NUCKS1: variants seen among roughly 807,000 people sequenced by gnomAD.
The protein encoded by NUCKS1 is nuclear ubiquitous casein and cyclin-dependent kinase substrate 1.
Under a neutral mutation model 33.0 loss-of-function variants are expected in NUCKS1, and 2 were observed. The ratio of observed to expected loss-of-function variants is 0.06; its 90% CI spans 0.02 to 0.19. The LOEUF (loss-of-function observed/expected upper bound fraction) is 0.19, where lower values mean the gene tolerates loss of function less well. NUCKS1 is among the 10% of genes least tolerant of loss of function. NUCKS1 has a pLI of 1.00. For missense variants in NUCKS1, 201 were observed against 293.6 expected, an observed-to-expected ratio of 0.68 and a Z score of 2.31; for synonymous variants, 106 against 102.8, an observed-to-expected ratio of 1.03 and a Z score of -0.19.
rs985993987 is a variant in NUCKS1, at chr1:205,714,331, T to A, written c.*3949A>T. The A allele has an allele frequency of 6.6e-6, 1 of 152,134 alleles. No homozygotes were observed. The highest frequency in any genetic ancestry group is 2.4e-5 in the African/African-American group (1 of 41,422). The allele number at this position is 152,134 out of a possible 1,614,324, so 9.4% of individuals were successfully genotyped here. A position where few individuals can be genotyped will look rare whatever the true frequency, so the allele number is the denominator to read the frequency against. ...TAGAAAACCCTCCCTTCACCCCTGATGTACAAAGTGTATGCACAACGGTGG... is the reference window on the plus strand; with the variant it reads ...TAGAAAACCCTCCCTTCACCCCTGAAGTACAAAGTGTATGCACAACGGTGG... On this transcript the variant is annotated 3_prime_UTR_variant, in exon 7 of 7. Coordinates refer to ENST00000367142, the MANE Select transcript of NUCKS1 (RefSeq NM_022731.5).
At position 205,718,115 on chromosome 1, in the gene NUCKS1, G is replaced by A. The variant is rs2102428643; in HGVS notation, c.*165C>T. The A allele has an allele frequency of 1.6e-6, 2 of 1,233,194 alleles. No individual in the cohort carries two copies. The highest frequency in any genetic ancestry group is 1.0e-6 in the Non-Finnish European group (1 of 989,498). The allele number at this position is 1,233,194 out of a possible 1,614,324, so 76.4% of individuals were successfully genotyped here. A position where few individuals can be genotyped will look rare whatever the true frequency, so the allele number is the denominator to read the frequency against. ...AAAAAAAAAAAAAAAGAGAGAGAGAGAGAAATGTTACTTTCAACAAATGGA... is the reference window on the plus strand; with the variant it reads ...AAAAAAAAAAAAAAAGAGAGAGAGAAAGAAATGTTACTTTCAACAAATGGA... On this transcript the variant is annotated 3_prime_UTR_variant, in exon 7 of 7. Coordinates refer to ENST00000367142, the MANE Select transcript of NUCKS1 (RefSeq NM_022731.5).
At chr1:205,724,098 C>G (rs566326758) in intron 3 of NUCKS1, 117 bp from the exon 4 acceptor site, 1 of 808,506 alleles carries the variant, frequency 1.2e-6, no homozygotes, top group Admixed American at 1.7e-5. Context: ...TATATAAAAT[C>G]TTCAAACAAA....
intron 1 of NUCKS1, among the ~76,000 whole-genome samples, chr1:205,735,857 G>T (rs1278694996): frequency 6.6e-6 from 1 of 152,128 alleles, no homozygotes; most frequent in Middle Eastern, 3.2e-3. Flanking sequence ...TGAAAAATAT[G>T]TAAGTCTTAA....
At chr1:205,739,625 G>C (rs1459224698) in intron 1 of NUCKS1, among the ~76,000 whole-genome samples, 2 of 151,920 alleles carry the variant, frequency 1.3e-5, no homozygotes, top group African/African-American at 4.8e-5. Flanking sequence ...ACAGGCACTG[G>C]CTAATTTTTT....
rs186378275 is a variant in NUCKS1 at position 205,713,303 on chromosome 1, G to C, written c.*4977C>G. 6.6e-6 allele frequency: 1 copy of C among 151,694 alleles called. No homozygotes were observed. The highest frequency in any genetic ancestry group is 2.4e-5 in the African/African-American group (1 of 41,286). The allele number at this position is 151,694 out of a possible 1,614,324, so 9.4% of individuals were successfully genotyped here. The stretch of plus-strand genomic sequence containing the variant: ...TAACTTGCTTCATATGTCCCAAAAA[G>C]AGAAAAAAATAAAGGGGACAATGCC... On this transcript the variant is annotated 3_prime_UTR_variant, in exon 7 of 7. Coordinates refer to ENST00000367142, the MANE Select transcript of NUCKS1 (RefSeq NM_022731.5).
At chr1:205,731,037 G>A (rs1414066134) in intron 1 of NUCKS1, among the ~76,000 whole-genome samples, 1 of 152,122 alleles carries the variant, frequency 6.6e-6, no homozygotes, top group Non-Finnish European at 1.5e-5. Context: ...ACATTATAAT[G>A]CACAAAAATT....
At chr1:205,738,254 C>T (rs1292575883) in intron 1 of NUCKS1, among the ~76,000 whole-genome samples, 1 of 152,094 alleles carries the variant, frequency 6.6e-6, no homozygotes, top group Non-Finnish European at 1.5e-5. Flanking sequence ...TTTCAAACCG[C>T]TGACCTCAAG....
In NUCKS1 at chr1:205,718,084, TTAAAA is replaced by T; in HGVS notation, c.*191_*195del. ...ACACTTACACATACAATGGTTTGCT[TTAAAA>T]AAAAAAAAAAAAAAAGAGAGAGAGA... On this transcript the variant is annotated 3_prime_UTR_variant, in exon 7 of 7. Transcript: ENST00000367142. 8.1e-7 allele frequency: 1 copy of T among 1,236,412 alleles called. No individual in the cohort carries two copies. 76.6% of individuals were successfully genotyped at this position (1,236,412 alleles called of 1,614,324 possible).
At chr1:205,744,445 CTAAG>C (rs1336724349) in intron 1 of NUCKS1, among the ~76,000 whole-genome samples, 3 of 152,044 alleles carry the variant, frequency 2.0e-5, no homozygotes, top group Admixed American at 1.3e-4. Flanking sequence ...GCTAATTCTA[CTAAG>C]TGAGGAAGTG....
chr1:205,730,639 C>G (rs1175222444), intron 1 of NUCKS1, among the ~76,000 whole-genome samples: 87 of 152,172 alleles, frequency 5.7e-4, no homozygotes, highest in Middle Eastern at 6.8e-3. Flanking sequence ...CAGGCGTGTG[C>G]CACCACGCCT....
At chr1:205,739,548 C>T (rs866250899) in intron 1 of NUCKS1, among the ~76,000 whole-genome samples, 2 of 152,112 alleles carry the variant, frequency 1.3e-5, no homozygotes, top group African/African-American at 4.8e-5. Flanking sequence ...TGACACCTAA[C>T]AGCAATGTGG....
chr1:205,747,972 AAATT>A (rs1224558092), intron 1 of NUCKS1, among the ~76,000 whole-genome samples: 3 of 152,130 alleles, frequency 2.0e-5, no homozygotes, highest in Non-Finnish European at 4.4e-5. Flanking sequence ...ACTTGCTCTG[AAATT>A]AATAATTTGA....
chr1:205,743,001 A>G (rs1654218539), intron 1 of NUCKS1, among the ~76,000 whole-genome samples: 1 of 152,198 alleles, frequency 6.6e-6, no homozygotes, highest in African/African-American at 2.4e-5. Context: ...TTTAAAATGC[A>G]AATTTAACAC....
At position 205,713,440 on chromosome 1, in the gene NUCKS1, C is replaced by G. The variant is rs907808731; in HGVS notation, c.*4840G>C. The G allele has an allele frequency of 6.6e-6, 1 of 151,924 alleles. No homozygotes were observed. Among genetic ancestry groups the G allele is most frequent in the Non-Finnish European group, 1.5e-5 (1 of 67,992 alleles). 9.4% of individuals were successfully genotyped at this position (151,924 alleles called of 1,614,324 possible). On this transcript the variant is annotated 3_prime_UTR_variant, in exon 7 of 7. Transcript: ENST00000367142. ...GGAGCAGACACGCAGTCCTGGAAAC[C>G]CTTCAATAAAAGCAAAGCAGGAGTT...
chr1:205,730,718 C>T (rs1006303396), intron 1 of NUCKS1, among the ~76,000 whole-genome samples: 1 of 151,398 alleles, frequency 6.6e-6, no homozygotes, highest in Non-Finnish European at 1.5e-5. Flanking sequence ...CCCCTGATCT[C>T]GTGATCCGCC....
Position 205,750,087 on chromosome 1 carries a change from A to C in NUCKS1, c.-114T>G. The C allele has an allele frequency of 7.5e-6, 7 of 931,684 alleles. No individual in the cohort carries two copies. Among genetic ancestry groups the C allele is most frequent in the Non-Finnish European group, 9.1e-6 (6 of 658,098 alleles). The allele number at this position is 931,684 out of a possible 1,614,324, so 57.7% of individuals were successfully genotyped here. On this transcript the variant is annotated 5_prime_UTR_variant, in exon 1 of 7. Coordinates refer to ENST00000367142, the MANE Select transcript of NUCKS1 (RefSeq NM_022731.5). ...TCAGCCGATGGGACCGCTGCTGCCG[A>C]ACCCCGAGCTGCTGGCTTCTCAAAC...
At chr1:205,748,627 G>C (rs531895872) in intron 1 of NUCKS1, among the ~76,000 whole-genome samples, 26 of 152,276 alleles carry the variant, frequency 1.7e-4, no homozygotes, top group Admixed American at 1.1e-3. Flanking sequence ...CCCACCCCGT[G>C]TGTAGGAGTA....
rs1671815718 is a variant in NUCKS1, at chr1:205,716,028, T to C, written c.*2252A>G. Reference sequence around the variant, plus strand: ...CTGTCTCACTTGGGGACACAGATCCTTCTGTCCAGTCTATCAGAAATATAG... The same window carrying C: ...CTGTCTCACTTGGGGACACAGATCCCTCTGTCCAGTCTATCAGAAATATAG... On this transcript the variant is annotated 3_prime_UTR_variant, in exon 7 of 7. Coordinates refer to ENST00000367142, the MANE Select transcript of NUCKS1 (RefSeq NM_022731.5). The C allele has an allele frequency of 6.6e-6, 1 of 152,052 alleles. No homozygotes were observed. Among genetic ancestry groups the C allele is most frequent in the Non-Finnish European group, 1.5e-5 (1 of 68,034 alleles). 9.4% of individuals were successfully genotyped at this position (152,052 alleles called of 1,614,324 possible).
At chr1:205,731,019 GT>G (rs1653897861) in intron 1 of NUCKS1, among the ~76,000 whole-genome samples, 1 of 152,100 alleles carries the variant, frequency 6.6e-6, no homozygotes, top group South Asian at 2.1e-4. Flanking sequence ...TTTAGGTATA[GT>G]ACAGTTACAT....
Sources: gnomAD v4.1 joint callset for allele counts (sites outside exome capture counted in the v4.1 genomes callset) on GRCh38, gnomAD v4.1.1 for gene constraint, MANE v1.5 for transcripts, NCBI Gene and HGNC (gene_info 2026-07-23, HGNC 2026-07-21) for gene names.